Variants in SRRM3 observed in about 807,000 individuals in gnomAD.
SRRM3 encodes the protein serine/arginine repetitive matrix protein 3.
A neutral mutation model predicts 66.2 loss-of-function variants in SRRM3; 27 were observed. The ratio of observed to expected loss-of-function variants is 0.41; its 90% CI spans 0.30 to 0.56. The LOEUF (loss-of-function observed/expected upper bound fraction) is 0.56, where lower values mean the gene tolerates loss of function less well. SRRM3 is among the 20% of genes least tolerant of loss of function. The pLI, the probability that SRRM3 is intolerant of heterozygous loss-of-function variation, is 0.32. For missense variants in SRRM3, 918 were observed against 991.9 expected (o/e 0.93, Z 1.00); for synonymous variants, 391 against 414.9 (o/e 0.94, Z 0.70).
At chr7:76,222,967 C>T (rs1489280487) in intron 1 of SRRM3, among the ~76,000 whole-genome samples, 1 of 152,130 alleles carries the variant, frequency 6.6e-6, no homozygotes, top group Non-Finnish European at 1.5e-5. Flanking sequence ...CCTGCTCACC[C>T]CCACACCCTG....
At position 76,249,083 on chromosome 7, in the gene SRRM3, TG is replaced by T. The variant is rs201433065; in HGVS notation, c.335+796del. Among the ~76,000 whole-genome samples, 20 of 152,120 alleles carry T rather than the reference TG, an allele frequency of 1.3e-4. No homozygotes were observed. The South Asian group carries it at 1.9e-3, about 14-fold the overall frequency. Reference sequence around the variant, plus strand: ...CCCACTGCTACCATGACCAATGGCTTGGTGGCTAAAGAGGGTGTAAGACTGG... The same window carrying T: ...CCCACTGCTACCATGACCAATGGCTTGTGGCTAAAGAGGGTGTAAGACTGG... On this transcript the variant is annotated intron_variant, in intron 3 of 14. Coordinates refer to ENST00000611745, the MANE Select transcript of SRRM3 (RefSeq NM_001110199.3).
chr7:76,251,780 ATGCTGGG>A (rs1554606933), intron 3 of SRRM3, among the ~76,000 whole-genome samples: 6 of 151,984 alleles, frequency 3.9e-5, no homozygotes, highest in African/African-American at 1.2e-4. Flanking sequence ...AAAAAAAAAA[ATGCTGGG>A]AGCTGTGGTT....
At chr7:76,210,976 TTG>T (rs1186583909) in intron 1 of SRRM3, among the ~76,000 whole-genome samples, 2 of 152,004 alleles carry the variant, frequency 1.3e-5, no homozygotes, top group Admixed American at 6.6e-5. Flanking sequence ...CTAATTTTTT[TTG>T]TGTGTGTGTA....
At chr7:76,230,373 G>A (rs1800984136) in intron 1 of SRRM3, among the ~76,000 whole-genome samples, 1 of 152,110 alleles carries the variant, frequency 6.6e-6, no homozygotes, top group Non-Finnish European at 1.5e-5. Flanking sequence ...AGTGAGGCCA[G>A]GCGCAGTGAC....
At position 76,285,121 on chromosome 7, in the gene SRRM3, T is replaced by C. The variant is rs952799457; in HGVS notation, c.1734-494T>C. The C allele has an allele frequency of 6.5e-6, 1 of 154,864 alleles. No homozygotes were observed. The highest frequency in any genetic ancestry group is 1.4e-5 in the Non-Finnish European group (1 of 69,914). The allele number at this position is 154,864 out of a possible 1,614,324, so 9.6% of individuals were successfully genotyped here. ...CTCTGTCACCCAGGCTGGAGTGCAG[T>C]GGCGCAATCTCCACTCACTGCAGCC... On this transcript the variant is annotated intron_variant, in intron 14 of 14. Transcript: ENST00000611745. The surrounding 1 kb of genome is among the most constrained non-coding windows in gnomAD (Gnocchi z 4.1).
intron 1 of SRRM3, among the ~76,000 whole-genome samples, chr7:76,206,863 G>A (rs1321314725): frequency 2.6e-5 from 4 of 152,160 alleles, no homozygotes; most frequent in South Asian, 2.1e-4. Flanking sequence ...CTGCTGTGCC[G>A]GCGGAAGCTG....
chr7:76,267,233 C>CA, intron 10 of SRRM3, 25 bp from the exon 11 acceptor site: 1 of 1,505,376 alleles, frequency 6.6e-7, no homozygotes, highest in Non-Finnish European at 8.8e-7. Flanking sequence ...CCGACTCCCC[C>CA]ATTCTTCCTG....
chr7:76,272,393 C>G (rs930762954), intron 11 of SRRM3, among the ~76,000 whole-genome samples: 3 of 135,868 alleles, frequency 2.2e-5, no homozygotes, highest in African/African-American at 7.4e-5. Flanking sequence ...AGACCCCTAT[C>G]TCTACAAAAA....
Position 76,286,224 on chromosome 7 carries a change from T to A in SRRM3, c.*381T>A. 1 of 262,332 alleles carries A rather than the reference T, an allele frequency of 3.8e-6. No individual in the cohort carries two copies. The highest frequency in any genetic ancestry group is 2.2e-5 in the African/African-American group (1 of 44,626). The allele number at this position is 262,332 out of a possible 1,614,324, so 16.3% of individuals were successfully genotyped here. ...GCTCTGTCACTTCACCTTAGCTCAG[T>A]GCAGCCAGGGACACCTTGCAAGGTG... On this transcript the variant is annotated 3_prime_UTR_variant, in exon 15 of 15. Coordinates refer to ENST00000611745, the MANE Select transcript of SRRM3 (RefSeq NM_001110199.3).
chr7:76,262,820 A>AAAAT (rs1554608958), intron 8 of SRRM3, among the ~76,000 whole-genome samples: 1 of 150,110 alleles, frequency 6.7e-6, no homozygotes, highest in Non-Finnish European at 1.5e-5. Context: ...CATCTCAAAA[A>AAAAT]AAAGAAAGAA....
intron 1 of SRRM3, among the ~76,000 whole-genome samples, chr7:76,211,816 CTAT>C (rs60646233): frequency 0.13 from 18,186 of 140,396 alleles, 1,345 homozygotes; most frequent in East Asian, 0.26. Flanking sequence ...ACTATTACTA[CTAT>C]TATTATTATT....
intron 1 of SRRM3, among the ~76,000 whole-genome samples, chr7:76,212,141 A>C (rs2116939920): frequency 6.9e-6 from 1 of 145,128 alleles, no homozygotes; most frequent in Non-Finnish European, 1.5e-5. Flanking sequence ...ACTGTGAGCC[A>C]CTGCACCCAG....
At chr7:76,242,035 T>C (rs1210690155) in intron 2 of SRRM3, among the ~76,000 whole-genome samples, 1 of 152,064 alleles carries the variant, frequency 6.6e-6, no homozygotes, top group African/African-American at 2.4e-5. Flanking sequence ...TTAGTCATGA[T>C]GGAAAAGAAG....
chr7:76,267,752 A>G (rs1802111030), intron 11 of SRRM3: 2 of 298,014 alleles, frequency 6.7e-6, no homozygotes, highest in South Asian at 3.2e-4. Flanking sequence ...CTGGGGAGGA[A>G]TCAGGGTCTC....
At chr7:76,259,664 T>C (rs1801804076) in intron 3 of SRRM3, among the ~76,000 whole-genome samples, 1 of 151,814 alleles carries the variant, frequency 6.6e-6, no homozygotes, top group African/African-American at 2.4e-5. Context: ...GGCTCGGTTA[T>C]CTCCTTCTTT....
chr7:76,216,099 G>A (rs779405140), intron 1 of SRRM3, among the ~76,000 whole-genome samples: 5 of 151,742 alleles, frequency 3.3e-5, no homozygotes, highest in South Asian at 2.1e-4. Context: ...GAGCCACCGC[G>A]CCCGGCCCAC....
chr7:76,202,775 A>G (rs1450711423), intron 1 of SRRM3, among the ~76,000 whole-genome samples: 1 of 152,052 alleles, frequency 6.6e-6, no homozygotes, highest in Non-Finnish European at 1.5e-5. Context: ...CTGAGAAAAG[A>G]CGCAGCCTCT....
At chr7:76,264,098 C>G (rs945039213) in intron 8 of SRRM3, among the ~76,000 whole-genome samples, 1 of 151,284 alleles carries the variant, frequency 6.6e-6, no homozygotes, top group Admixed American at 6.6e-5. Context: ...GAGCAAATCA[C>G]CATTTCTATC....
intron 1 of SRRM3, among the ~76,000 whole-genome samples, chr7:76,205,980 G>A (rs1204372193): frequency 1.3e-5 from 2 of 151,640 alleles, no homozygotes; most frequent in African/African-American, 4.8e-5. Context: ...CAGGGCCTTC[G>A]TGGGTGGGGG....
Sources: allele counts gnomAD v4.1 joint callset (sites outside exome capture counted in the v4.1 genomes callset), GRCh38; gene constraint gnomAD v4.1.1; non-coding constraint Gnocchi (gnomAD v3.1); transcripts MANE v1.5; gene names NCBI Gene and HGNC (gene_info 2026-07-23, HGNC 2026-07-21).